The following ESF1 variants were observed in gnomAD, a reference collection of about 807,000 sequenced individuals.
ESF1 encodes the protein ESF1 homolog.
ESF1 carries 58 observed loss-of-function variants against 92.0 expected under a neutral mutation model. That is an observed-to-expected ratio of 0.63 (90% CI 0.51 to 0.78). ESF1 has a LOEUF of 0.78. Ranked by LOEUF, ESF1 falls within the 30% of genes least tolerant of loss-of-function variation. ESF1 has a pLI of 0.00. For missense variants in ESF1, 922 were observed against 989.1 expected, an observed-to-expected ratio of 0.93 and a Z score of 0.91; for synonymous variants, 321 against 313.7, an observed-to-expected ratio of 1.02 and a Z score of -0.24.
intron 9 of ESF1, among the ~76,000 whole-genome samples, chr20:13,735,976 T>A (rs1399556632): frequency 6.6e-6 from 1 of 152,092 alleles, no homozygotes; most frequent in African/African-American, 2.4e-5. Context: ...CATCCAATGT[T>A]CAGGAGGTTT....
chr20:13,741,624 C>T (rs2050014188), intron 9 of ESF1, among the ~76,000 whole-genome samples: 1 of 151,962 alleles, frequency 6.6e-6, no homozygotes, highest in African/African-American at 2.4e-5. Context: ...CAGGTCCCTA[C>T]CTCATATTAA....
intron 9 of ESF1, among the ~76,000 whole-genome samples, chr20:13,735,783 T>C (rs1034672388): frequency 2.0e-5 from 3 of 152,124 alleles, no homozygotes; most frequent in African/African-American, 7.2e-5. Flanking sequence ...ACCAAAAAAG[T>C]TATTTTCTGA....
At chr20:13,739,937 G>T (rs1439833055) in intron 9 of ESF1, among the ~76,000 whole-genome samples, 5 of 152,144 alleles carry the variant, frequency 3.3e-5, no homozygotes, top group Admixed American at 6.5e-5. Context: ...GCTTAAGGGT[G>T]CTCTCAGTGG....
At chr20:13,783,660 C>T (rs1980391296) in intron 1 of ESF1, among the ~76,000 whole-genome samples, 1 of 152,124 alleles carries the variant, frequency 6.6e-6, no homozygotes, top group South Asian at 2.1e-4. Context: ...ACAAGAAATA[C>T]AAAAATGAGC....
chr20:13,717,634 G>C, intron 12 of ESF1, 120 bp from the exon 13 acceptor site: 1 of 1,052,528 alleles, frequency 9.5e-7, no homozygotes, highest in Non-Finnish European at 1.4e-6. Context: ...AGAACTCTGG[G>C]GTACCACCTG....
At chr20:13,776,325 T>C in intron 2 of ESF1, 55 bp from the exon 3 acceptor site, 1 of 1,487,640 alleles carries the variant, frequency 6.7e-7, no homozygotes, top group Non-Finnish European at 9.0e-7. Context: ...TGAATTAAAC[T>C]GAATCCAAAT....
chr20:13,716,910 T>C (rs2147713665), intron 13 of ESF1, among the ~76,000 whole-genome samples: 1 of 146,544 alleles, frequency 6.8e-6, no homozygotes, highest in Middle Eastern at 3.6e-3. Flanking sequence ...CTCCGCCTCC[T>C]GGGTTCACGC....
rs757736503 is a variant in ESF1 at position 13,784,917 on chromosome 20, C to T, written c.-81G>A. 2.9e-6 allele frequency: 2 copies of T among 701,500 alleles called. No homozygotes were observed. The highest frequency in any genetic ancestry group is 4.8e-6 in the Non-Finnish European group (2 of 417,872). The allele number at this position is 701,500 out of a possible 1,614,324, so 43.5% of individuals were successfully genotyped here. On this transcript the variant is annotated 5_prime_UTR_variant, in exon 1 of 14. It adds an upstream start codon to the 5' untranslated region. Transcript: ENST00000617257. The stretch of plus-strand genomic sequence containing the variant: ...TACCAAGCCTCACGTGGGGCTCACA[C>T]CCACAATCCTCCGCGTGACGCTCCG...
At chr20:13,765,839 C>T (rs761063244) in intron 8 of ESF1, among the ~76,000 whole-genome samples, 5 of 152,082 alleles carry the variant, frequency 3.3e-5, no homozygotes, top group Non-Finnish European at 2.9e-5. Flanking sequence ...ACTAGGCACA[C>T]AAATAAACAA....
chr20:13,771,591 A>G, intron 5 of ESF1, 108 bp from the exon 6 acceptor site: 1 of 817,216 alleles, frequency 1.2e-6, no homozygotes, highest in South Asian at 1.7e-5. Flanking sequence ...GCTGGCCTTC[A>G]TACCAAACCA....
In ESF1 at chr20:13,775,186, G is replaced by A. The variant is rs374822184; in HGVS notation, c.1120C>T (p.Pro374Ser). ...DLLALFNSFK[P>S]KGGVIFSVKI... ...ACGGAAAATATTACACCTCCTTTGG[G>A]TTTAAATGAATTGAACAGAGCCAGC... Residue 374 changes from proline (P) to serine (S), a missense_variant, in exon 4 of 14, where the codon CCC becomes TCC. Coordinates refer to ENST00000617257, the MANE Select transcript of ESF1 (RefSeq NM_001276380.2). 6.2e-7 allele frequency: 1 copy of A among 1,607,450 alleles called. No homozygotes were observed. Among genetic ancestry groups the A allele is most frequent in the African/African-American group, 1.3e-5 (1 of 74,686 alleles).
Position 13,782,780 on chromosome 20 carries a change from T to C in ESF1, c.361A>G (p.Asn121Asp). The C allele has an allele frequency of 1.2e-6, 2 of 1,604,582 alleles. No homozygotes were observed. Among genetic ancestry groups the C allele is most frequent in the Non-Finnish European group, 1.7e-6 (2 of 1,177,834 alleles). The change falls in exon 2 of 14, where the codon AAT becomes GAT. Residue 121 changes from asparagine (N) to aspartate (D), a missense_variant. By Grantham distance (23) the Asn-to-Asp change is conservative. Transcript: ENST00000617257. ...VEKKKETKKA[N>D]HKGSENKTDL... is the part of the protein sequence containing the mutation. ...GTTTTATTTTCAGAACCCTTGTGAT[T>C]AGCCTTCTTGGTTTCTTTCTTTTTC...
At chr20:13,742,149 C>T (rs1037124100) in intron 9 of ESF1, among the ~76,000 whole-genome samples, 3 of 152,088 alleles carry the variant, frequency 2.0e-5, no homozygotes, top group African/African-American at 7.2e-5. Context: ...GGTGGATTAC[C>T]TGAGGTCAGG....
intron 8 of ESF1, among the ~76,000 whole-genome samples, chr20:13,761,676 G>T (rs765597605): frequency 6.6e-6 from 1 of 152,090 alleles, no homozygotes; most frequent in Non-Finnish European, 1.5e-5. Context: ...AATGAATTAG[G>T]AGTTACTTCA....
At chr20:13,748,399 G>A (rs1449758731) in intron 9 of ESF1, among the ~76,000 whole-genome samples, 4 of 20,486 alleles carry the variant, frequency 2.0e-4, no homozygotes, top group Non-Finnish European at 3.4e-4. Context: ...TCCCTCAAAG[G>A]ATATATATAC....
Position 13,769,925 on chromosome 20 carries a change from A to G in ESF1, c.1500T>C (p.Ala500=), listed in dbSNP as rs926662856. 6.2e-7 allele frequency: 1 copy of G among 1,609,024 alleles called. No individual in the cohort carries two copies. Among genetic ancestry groups the G allele is most frequent in the African/African-American group, 1.3e-5 (1 of 74,796 alleles). Residue 500 remains alanine (A), a synonymous_variant, in exon 7 of 14, where the codon GCT becomes GCC. Transcript: ENST00000617257. ...TAYKPKYFTS[A]AMGTSTVEIT... ...GAAATACCGTTGATGTTCCCATTGC[A>G]GCAGAAGTGAAATATTTTGGTTTAT...
At chr20:13,771,168 T>A (rs1230586108) in intron 6 of ESF1, among the ~76,000 whole-genome samples, 163 bp downstream of exon 6, 9 of 152,232 alleles carry the variant, frequency 5.9e-5, no homozygotes, top group African/African-American at 2.2e-4. Flanking sequence ...ACTGTCTTGT[T>A]TGTTTTCTTT....
At chr20:13,743,090 A>G in intron 9 of ESF1, among the ~76,000 whole-genome samples, 1 of 152,324 alleles carries the variant, frequency 6.6e-6, no homozygotes, top group East Asian at 1.9e-4. Flanking sequence ...TAAGTTATAT[A>G]AAACTATATA....
intron 2 of ESF1, among the ~76,000 whole-genome samples, chr20:13,781,332 T>C (rs1464390654): frequency 1.3e-5 from 2 of 152,228 alleles, no homozygotes; most frequent in African/African-American, 4.8e-5. Context: ...GACTTTTATA[T>C]TGATTACATA....
Sources: allele counts gnomAD v4.1 joint callset (sites outside exome capture counted in the v4.1 genomes callset), GRCh38; gene constraint gnomAD v4.1.1; transcripts MANE v1.5; gene names NCBI Gene and HGNC (gene_info 2026-07-23, HGNC 2026-07-21).